Variants in CCDC192 observed in about 807,000 individuals in gnomAD.
CCDC192 encodes the protein coiled-coil domain-containing protein 192.
chr5:127,866,104 A>T (rs945584353), intron 5 of CCDC192, among the ~76,000 whole-genome samples: 1 of 152,144 alleles, frequency 6.6e-6, no homozygotes, highest in Non-Finnish European at 1.5e-5. Flanking sequence ...TGTTCTCAGC[A>T]TGTGCAGACC....
intron 3 of CCDC192, chr5:127,786,731 A>G (rs1756560746): frequency 7.0e-6 from 5 of 718,510 alleles, no homozygotes; most frequent in East Asian, 5.0e-5. Flanking sequence ...AATCTTCTCC[A>G]TGCTTAAGAA....
At chr5:127,803,313 A>G (rs1757605753) in intron 5 of CCDC192, among the ~76,000 whole-genome samples, 1 of 152,194 alleles carries the variant, frequency 6.6e-6, no homozygotes, top group Non-Finnish European at 1.5e-5. Flanking sequence ...AGACTTCTAA[A>G]GAAATTATTA....
In CCDC192 at chr5:127,719,568, C is replaced by CATATAT. The variant is rs142203401; in HGVS notation, c.114+11816_114+11821dup. Among the ~76,000 whole-genome samples the CATATAT allele has an allele frequency of 4.7e-4, 9 of 19,058 alleles. No homozygotes were observed. The South Asian group carries it at 6.1e-3, about 13-fold the overall frequency. The allele number at this position is 19,058 out of a possible 152,430, so 12.5% of individuals were successfully genotyped here. ...ATATATATATATATATACACACATA[C>CATATAT]ATATATATATATACCAAGCAGTGGG... On this transcript the variant is annotated intron_variant, in intron 2 of 6. Coordinates refer to ENST00000514853, the MANE Select transcript of CCDC192 (RefSeq NM_001317938.2).
chr5:127,835,904 A>G (rs1750014263), intron 5 of CCDC192, among the ~76,000 whole-genome samples: 1 of 152,130 alleles, frequency 6.6e-6, no homozygotes, highest in African/African-American at 2.4e-5. Context: ...TTCCAATCCT[A>G]GCCCCTCCCA....
chr5:127,742,128 G>T (rs1753454154), intron 2 of CCDC192, among the ~76,000 whole-genome samples: 1 of 152,164 alleles, frequency 6.6e-6, no homozygotes, highest in Non-Finnish European at 1.5e-5. Flanking sequence ...GGCAAATAGT[G>T]AGCCTTCAAT....
intron 2 of CCDC192, among the ~76,000 whole-genome samples, chr5:127,715,674 G>T (rs1408848227): frequency 1.3e-5 from 2 of 152,178 alleles, no homozygotes; most frequent in African/African-American, 4.8e-5. Flanking sequence ...TCTTTGGATA[G>T]TGAAGACATT....
chr5:127,846,433 A>G (rs965178268), intron 5 of CCDC192, among the ~76,000 whole-genome samples: 2 of 151,958 alleles, frequency 1.3e-5, no homozygotes, highest in African/African-American at 4.8e-5. Flanking sequence ...CGCCCACAAA[A>G]GCATATTATC....
intron 5 of CCDC192, among the ~76,000 whole-genome samples, chr5:127,822,153 C>T (rs1237435160): frequency 6.6e-6 from 1 of 152,160 alleles, no homozygotes; most frequent in African/African-American, 2.4e-5. Context: ...TCAGAAAACA[C>T]TGAAAACTGT....
At chr5:127,741,614 A>T (rs1486243004) in intron 2 of CCDC192, among the ~76,000 whole-genome samples, 3 of 152,184 alleles carry the variant, frequency 2.0e-5, no homozygotes, top group Non-Finnish European at 4.4e-5. Flanking sequence ...AATCAAAATG[A>T]TAGAGGGCTA....
intron 3 of CCDC192, chr5:127,785,164 T>C (rs1243757135): frequency 1.9e-6 from 1 of 527,338 alleles, no homozygotes; most frequent in Non-Finnish European, 3.9e-6. Flanking sequence ...TGTAAAGCAG[T>C]TAGTTACCAA....
chr5:127,733,159 C>T (rs1695919241), intron 2 of CCDC192, among the ~76,000 whole-genome samples: 1 of 152,134 alleles, frequency 6.6e-6, no homozygotes, highest in South Asian at 2.1e-4. Context: ...TAACTATGTG[C>T]ATTTTCTAAC....
At chr5:127,865,762 T>TG (rs1751581933) in intron 5 of CCDC192, among the ~76,000 whole-genome samples, 1 of 151,748 alleles carries the variant, frequency 6.6e-6, no homozygotes, top group Non-Finnish European at 1.5e-5. Context: ...GACCTTGTCT[T>TG]GTAGCTATCA....
intron 5 of CCDC192, among the ~76,000 whole-genome samples, chr5:127,841,004 C>A (rs1750258038): frequency 6.6e-6 from 1 of 152,176 alleles, no homozygotes; most frequent in Non-Finnish European, 1.5e-5. Context: ...TGAGCCTTTT[C>A]AGGTTTTGTA....
intron 6 of CCDC192, among the ~76,000 whole-genome samples, chr5:127,930,402 T>G (rs1280632922): frequency 6.6e-6 from 1 of 152,222 alleles, no homozygotes; most frequent in Non-Finnish European, 1.5e-5. Context: ...GGACTCTCCC[T>G]CCTGGAATTT....
rs941839365 is a variant in CCDC192, at chr5:127,922,215, C to T, written c.536-18967C>T. On this transcript the variant is annotated intron_variant, in intron 6 of 6. Transcript: ENST00000514853. The stretch of plus-strand genomic sequence containing the variant: ...CAGTTGTGACTTTCCCTAGATTTTT[C>T]CATAAGTTTGATTTTTATGATTTGC... 1.1e-4 allele frequency among the ~76,000 whole-genome samples: 16 copies of T among 152,186 alleles called. 1 individual carries two copies. In the South Asian group the frequency reaches 2.9e-3, roughly 28 times the overall value.
intron 3 of CCDC192, among the ~76,000 whole-genome samples, chr5:127,768,606 C>T (rs1426213291): frequency 6.6e-6 from 1 of 152,118 alleles, no homozygotes; most frequent in African/African-American, 2.4e-5. Flanking sequence ...TTTATGGCAG[C>T]CATAGCAGAC....
chr5:127,809,250 A>G (rs1002074850), intron 5 of CCDC192, among the ~76,000 whole-genome samples: 7 of 152,166 alleles, frequency 4.6e-5, no homozygotes, highest in African/African-American at 1.7e-4. Context: ...TGTATTTTTA[A>G]AAAGCACTTA....
At chr5:127,779,749 A>G (rs776089091) in intron 3 of CCDC192, among the ~76,000 whole-genome samples, 16 of 151,962 alleles carry the variant, frequency 1.1e-4, no homozygotes, top group Non-Finnish European at 1.8e-4. Context: ...TTATTTTTCC[A>G]TAGGTTATTG....
chr5:127,937,539 G>A (rs1391030983), intron 6 of CCDC192, among the ~76,000 whole-genome samples: 7 of 152,172 alleles, frequency 4.6e-5, no homozygotes, highest in Non-Finnish European at 1.0e-4. Flanking sequence ...GTCCTCACCA[G>A]AACCTGACCA....
Sources: allele counts gnomAD v4.1 joint callset (sites outside exome capture counted in the v4.1 genomes callset), GRCh38; gene constraint gnomAD v4.1.1; transcripts MANE v1.5; gene names NCBI Gene and HGNC (gene_info 2026-07-23, HGNC 2026-07-21).